The following MAP2K5 variants were observed in gnomAD, a reference collection of about 807,000 sequenced individuals.
The protein encoded by MAP2K5 is mitogen-activated protein kinase kinase 5.
Under a neutral mutation model 83.1 loss-of-function variants are expected in MAP2K5, and 49 were observed. The ratio of observed to expected loss-of-function variants is 0.59; its 90% confidence interval spans 0.47 to 0.75. The LOEUF (loss-of-function observed/expected upper bound fraction) is 0.75. MAP2K5 is among the 30% of genes least tolerant of loss of function. MAP2K5 has a pLI of 0.00. For missense variants in MAP2K5, 457 were observed against 557.5 expected, an observed-to-expected ratio of 0.82 and a Z score of 1.82; for synonymous variants, 202 against 191.8, an observed-to-expected ratio of 1.05 and a Z score of -0.44.
rs2087342405 is a variant in MAP2K5 at position 67,665,093 on chromosome 15, G to A, written c.847+448G>A. Reference sequence around the variant, plus strand: ...GATGGGGTCTTGCTCTGTTGGCCAGGTTGTTGTTAAACCCCTAGCCTCAAG... The same window carrying A: ...GATGGGGTCTTGCTCTGTTGGCCAGATTGTTGTTAAACCCCTAGCCTCAAG... On this transcript the variant is annotated intron_variant, in intron 13 of 21. Coordinates refer to ENST00000178640, the MANE Select transcript of MAP2K5 (RefSeq NM_145160.3). The surrounding 1 kb of genome is among the most constrained non-coding windows in gnomAD (Gnocchi z 4.2). Among the ~76,000 whole-genome samples, 1 of 152,116 alleles carries A rather than the reference G, an allele frequency of 6.6e-6. No homozygotes were observed. The highest frequency in any genetic ancestry group is 2.4e-5 in the African/African-American group (1 of 41,418).
chr15:67,545,804 G>T (rs2084377451), intron 1 of MAP2K5, among the ~76,000 whole-genome samples: 1 of 152,156 alleles, frequency 6.6e-6, no homozygotes. Flanking sequence ...GAGTTCTGAG[G>T]ACTCCTTGAG....
At chr15:67,643,902 C>T (rs2086774231) in intron 9 of MAP2K5, among the ~76,000 whole-genome samples, 1 of 152,054 alleles carries the variant, frequency 6.6e-6, no homozygotes, top group Non-Finnish European at 1.5e-5. Flanking sequence ...ATAACTTATG[C>T]TTTTTTCTTC....
rs1476491101 is a variant in MAP2K5, at chr15:67,724,682, A to G, written c.1045-3234A>G. Among the ~76,000 whole-genome samples the G allele has an allele frequency of 6.6e-6, 1 of 152,178 alleles. No homozygotes were observed. Among genetic ancestry groups the G allele is most frequent in the African/African-American group, 2.4e-5 (1 of 41,440 alleles). Reference sequence around the variant, plus strand: ...AGAGCCTGGCTATATGTTTCCTTCTACTTTTCTATAAGACAAATAGTGTGG... The same window carrying G: ...AGAGCCTGGCTATATGTTTCCTTCTGCTTTTCTATAAGACAAATAGTGTGG... On this transcript the variant is annotated intron_variant, in intron 16 of 21. Coordinates refer to ENST00000178640, the MANE Select transcript of MAP2K5 (RefSeq NM_145160.3). This position sits in a 1 kb window ranked among gnomAD's most constrained non-coding sequence, Gnocchi z 4.4.
chr15:67,772,792 T>C (rs753281931), intron 21 of MAP2K5, 40 bp downstream of exon 21: 14 of 1,500,786 alleles, frequency 9.3e-6, no homozygotes, highest in African/African-American at 8.4e-5. Flanking sequence ...TTCTCAGTTA[T>C]ATATTTATGT....
chr15:67,652,802 C>T lies in MAP2K5; in HGVS notation c.737-5751C>T, dbSNP rs776208143. Among the ~76,000 whole-genome samples, 12 of 152,296 alleles carry T rather than the reference C, an allele frequency of 7.9e-5. No individual in the cohort carries two copies. The highest frequency in any genetic ancestry group is 1.3e-4 in the Non-Finnish European group (9 of 68,034). On this transcript the variant is annotated intron_variant, in intron 11 of 21. Transcript: ENST00000178640. This position sits in a 1 kb window ranked among gnomAD's most constrained non-coding sequence, Gnocchi z 4.2. ...TAAATAAGAACTCCTCATTCACCCC[C>T]GCTCCCAGCCCCTGGCAAACAGCAT... is the stretch of plus-strand genomic sequence containing the variant.
chr15:67,672,511 TG>T (rs1374191110), intron 13 of MAP2K5, among the ~76,000 whole-genome samples: 12 of 150,054 alleles, frequency 8.0e-5, no homozygotes, highest in African/African-American at 2.4e-4. Context: ...TGGGGTTGTT[TG>T]TTTTTTTCTT....
intron 13 of MAP2K5, among the ~76,000 whole-genome samples, chr15:67,678,297 G>A (rs190025810): frequency 2.1e-3 from 316 of 152,286 alleles, no homozygotes; most frequent in African/African-American, 7.2e-3. Flanking sequence ...TGTGCCCTCT[G>A]GCTCCTGGTA....
At chr15:67,611,183 A>G (rs888913205) in intron 8 of MAP2K5, among the ~76,000 whole-genome samples, 2 of 152,242 alleles carry the variant, frequency 1.3e-5, no homozygotes, top group African/African-American at 4.8e-5. Context: ...CAGAAAAGTT[A>G]TCTAAAAATT....
At chr15:67,658,496 C>A (rs2087144781) in intron 11 of MAP2K5, 57 bp from the exon 12 acceptor site, 3 of 1,307,314 alleles carry the variant, frequency 2.3e-6, no homozygotes, top group Admixed American at 3.4e-5. Flanking sequence ...CAGGAGAAGC[C>A]CAGTGCATTG....
chr15:67,748,355 C>G lies in MAP2K5; in HGVS notation c.1101+98C>G. ...GCCTTGTTTTAAACTTAGCAAATTG[C>G]ATTTTGAAGAAAATGCAAACCTTTA... On this transcript the variant is annotated intron_variant, in intron 18 of 21. Coordinates refer to ENST00000178640, the MANE Select transcript of MAP2K5 (RefSeq NM_145160.3). This position sits in a 1 kb window ranked among gnomAD's most constrained non-coding sequence, Gnocchi z 4.0. The G allele has an allele frequency of 8.9e-7, 1 of 1,119,832 alleles. No individual in the cohort carries two copies. Among genetic ancestry groups the G allele is most frequent in the Non-Finnish European group, 1.3e-6 (1 of 749,430 alleles). The allele number at this position is 1,119,832 out of a possible 1,614,324, so 69.4% of individuals were successfully genotyped here.
At chr15:67,556,555 T>C (rs1402173502) in intron 2 of MAP2K5, among the ~76,000 whole-genome samples, 36 of 122 alleles carry the variant, frequency 0.3, no homozygotes, top group Non-Finnish European at 0.5. Context: ...CTTTTCTTTC[T>C]TTTTTTTTTT....
At position 67,636,151 on chromosome 15, in the gene MAP2K5, G is replaced by A. The variant is rs2086598065; in HGVS notation, c.585+5224G>A. Among the ~76,000 whole-genome samples the A allele has an allele frequency of 6.6e-6, 1 of 152,226 alleles. No homozygotes were observed. The highest frequency in any genetic ancestry group is 1.9e-4 in the East Asian group (1 of 5,160). ...GAAATGACCGGGCGCCGTGGCTCAT[G>A]CCTGTAATCCCAGCACTTTGAAAGG... On this transcript the variant is annotated intron_variant, in intron 9 of 21. Coordinates refer to ENST00000178640, the MANE Select transcript of MAP2K5 (RefSeq NM_145160.3). This position sits in a 1 kb window ranked among gnomAD's most constrained non-coding sequence, Gnocchi z 4.7.
At position 67,582,438 on chromosome 15, in the gene MAP2K5, A is replaced by G. The variant is rs541955417; in HGVS notation, c.322+1615A>G. Among the ~76,000 whole-genome samples the G allele has an allele frequency of 1.4e-4, 22 of 152,328 alleles. No individual in the cohort carries two copies. The East Asian group carries it at 2.5e-3, about 17-fold the overall frequency. ...TCAAAATTCTTTCTTCACAAGGAGT[A>G]GTATTTTACAAACTGAAAATTTCCA... is the stretch of plus-strand genomic sequence containing the variant. On this transcript the variant is annotated intron_variant, in intron 4 of 21. Coordinates refer to ENST00000178640, the MANE Select transcript of MAP2K5 (RefSeq NM_145160.3).
At chr15:67,584,348 C>T (rs28485607) in intron 4 of MAP2K5, among the ~76,000 whole-genome samples, 74 of 152,270 alleles carry the variant, frequency 4.9e-4, no homozygotes, top group African/African-American at 1.8e-3. Context: ...GATTCCTTGG[C>T]TAGCCACTTT....
chr15:67,700,227 G>A (rs1027028841), intron 15 of MAP2K5, among the ~76,000 whole-genome samples: 2 of 152,308 alleles, frequency 1.3e-5, no homozygotes, highest in East Asian at 1.9e-4. Flanking sequence ...TCTGGAGGGA[G>A]TATAGTGTGG....
intron 21 of MAP2K5, among the ~76,000 whole-genome samples, chr15:67,804,619 T>C (rs1342556020): frequency 1.3e-5 from 2 of 152,198 alleles, no homozygotes; most frequent in South Asian, 2.1e-4. Context: ...CTCCTGCAGT[T>C]CCGCTCTGCT....
chr15:67,581,440 C>T (rs897171092), intron 4 of MAP2K5, among the ~76,000 whole-genome samples: 3 of 152,030 alleles, frequency 2.0e-5, no homozygotes, highest in African/African-American at 7.3e-5. Context: ...ATTGTTCAAC[C>T]GTGTATAAAT....
rs897028325 is a variant in MAP2K5 at position 67,780,022 on chromosome 15, G to C, written c.1242+7270G>C. Among the ~76,000 whole-genome samples the C allele has an allele frequency of 1.3e-5, 2 of 152,124 alleles. No homozygotes were observed. The highest frequency in any genetic ancestry group is 4.8e-5 in the African/African-American group (2 of 41,422). On this transcript the variant is annotated intron_variant, in intron 21 of 21. Coordinates refer to ENST00000178640, the MANE Select transcript of MAP2K5 (RefSeq NM_145160.3). This position sits in a 1 kb window ranked among gnomAD's most constrained non-coding sequence, Gnocchi z 5.0. ...CTGGAAGGTCTTGGTCCTCCTCCCT[G>C]CGGCTTTTCCCTACTCTTCGACTTT...
chr15:67,667,839 T>G (rs1174480432), intron 13 of MAP2K5, among the ~76,000 whole-genome samples: 1 of 152,162 alleles, frequency 6.6e-6, no homozygotes, highest in African/African-American at 2.4e-5. Context: ...ATTACAGAAT[T>G]TATTAAACGT....
Sources: allele counts gnomAD v4.1 joint callset (sites outside exome capture counted in the v4.1 genomes callset), GRCh38; gene constraint gnomAD v4.1.1; non-coding constraint Gnocchi (gnomAD v3.1); transcripts MANE v1.5; gene names NCBI Gene and HGNC (gene_info 2026-07-23, HGNC 2026-07-21).